Variants in PCDHGA9 observed in about 807,000 individuals in gnomAD.
PCDHGA9 encodes the protein protocadherin gamma-A9.
A neutral mutation model predicts 62.5 loss-of-function variants in PCDHGA9; 37 were observed. That is an observed-to-expected ratio of 0.59 (90% confidence interval 0.46 to 0.78). The LOEUF is 0.78. Among genes scored for constraint, PCDHGA9 ranks in the 30% least tolerant of loss-of-function variants. The pLI is 0.00. For synonymous variants in PCDHGA9, 459 were observed against 484.6 expected (o/e 0.95, Z 0.69); for missense variants, 1,138 against 1,166.2 (o/e 0.98, Z 0.35).
Position 141,487,070 on chromosome 5 carries a change from C to A in PCDHGA9, c.2425-7737C>A, listed in dbSNP as rs1365482479. The A allele has an allele frequency of 6.2e-7, 1 of 1,614,036 alleles. No individual in the cohort carries two copies. The highest frequency in any genetic ancestry group is 8.5e-7 in the Non-Finnish European group (1 of 1,180,016). ...TGCTGGGGAGGTGCGGACGGCTGTT[C>A]CTATCCCAGCTGACCTCCCACCACA... is the stretch of plus-strand genomic sequence containing the variant. On this transcript the variant is annotated intron_variant, in intron 1 of 3. Coordinates refer to ENST00000573521, the MANE Select transcript of PCDHGA9 (RefSeq NM_018921.3). The surrounding 1 kb of genome is among the most constrained non-coding windows in gnomAD (Gnocchi z 5.0).
In PCDHGA9 at chr5:141,489,307, T is replaced by A; in HGVS notation, c.2425-5500T>A. On this transcript the variant is annotated intron_variant, in intron 1 of 3. Transcript: ENST00000573521. The surrounding 1 kb of genome is among the most constrained non-coding windows in gnomAD (Gnocchi z 4.5). ...AGTGCTGTGCATGTTGTCCTTGTGCTGCTGGGGCTGGGTGTCTGGGCAGCT... is the reference window on the plus strand; with the variant it reads ...AGTGCTGTGCATGTTGTCCTTGTGCAGCTGGGGCTGGGTGTCTGGGCAGCT... The A allele has an allele frequency of 6.3e-7, 1 of 1,591,138 alleles. No individual in the cohort carries two copies. The highest frequency in any genetic ancestry group is 8.6e-7 in the Non-Finnish European group (1 of 1,168,222).
chr5:141,441,280 G>A (rs2098237221), intron 1 of PCDHGA9: 1 of 152,090 alleles, frequency 6.6e-6, no homozygotes, highest in East Asian at 1.9e-4. Flanking sequence ...GGGAGAAAAC[G>A]AGGTCACATG....
chr5:141,485,239 C>T lies in PCDHGA9; in HGVS notation c.2425-9568C>T. ...GGGCTACCCTTTTGTTCCTCTTTTA[C>T]CACCTGGGTTACGTTTGTGGGCAGA... On this transcript the variant is annotated intron_variant, in intron 1 of 3. Transcript: ENST00000573521. This position sits in a 1 kb window ranked among gnomAD's most constrained non-coding sequence, Gnocchi z 5.7. The T allele has an allele frequency of 6.2e-7, 1 of 1,614,140 alleles. No homozygotes were observed. Among genetic ancestry groups the T allele is most frequent in the South Asian group, 1.1e-5 (1 of 91,072 alleles).
At position 141,455,034 on chromosome 5, in the gene PCDHGA9, G is replaced by T. The variant is rs112590950; in HGVS notation, c.2425-39773G>T. 8.3e-3 allele frequency among the ~76,000 whole-genome samples: 1,254 copies of T among 150,894 alleles called. 18 individuals are homozygous for T. Among genetic ancestry groups the T allele is most frequent in the African/African-American group, 0.029 (1,191 of 41,122 alleles). ...TCACCGTGTTAGCCAGGATGGTCTC[G>T]ATCTCCTGACCTCGTGATCCGCCCG... On this transcript the variant is annotated intron_variant, in intron 1 of 3. Coordinates refer to ENST00000573521, the MANE Select transcript of PCDHGA9 (RefSeq NM_018921.3).
chr5:141,486,828 G>A lies in PCDHGA9; in HGVS notation c.2425-7979G>A, dbSNP rs140257646. 77 of 1,614,218 alleles carry A rather than the reference G, an allele frequency of 4.8e-5. 1 individual carries two copies. In the East Asian group the frequency reaches 1.2e-3, roughly 26 times the overall value. On this transcript the variant is annotated intron_variant, in intron 1 of 3. Transcript: ENST00000573521. This position sits in a 1 kb window ranked among gnomAD's most constrained non-coding sequence, Gnocchi z 5.0. ...CCCCTTAGCAGCACTGTAACAGTTCGTCTATTTGTGCTGGACCTCAATGAC... is the reference window on the plus strand; with the variant it reads ...CCCCTTAGCAGCACTGTAACAGTTCATCTATTTGTGCTGGACCTCAATGAC...
chr5:141,423,887 T>C, intron 1 of PCDHGA9: 2 of 1,282,240 alleles, frequency 1.6e-6, no homozygotes, highest in Non-Finnish European at 2.0e-6. Context: ...CTTGGCATAT[T>C]TTCTTTTGAT....
chr5:141,419,584 C>G, intron 1 of PCDHGA9: 1 of 1,611,800 alleles, frequency 6.2e-7, no homozygotes. Context: ...CCGCGCTCTT[C>G]GACACAGTGC....
chr5:141,416,308 T>C (rs1472911605), intron 1 of PCDHGA9: 1 of 152,266 alleles, frequency 6.6e-6, no homozygotes, highest in East Asian at 1.9e-4. Context: ...ATGTGGAAGA[T>C]ATAGCATTTT....
chr5:141,477,512 A>G lies in PCDHGA9; in HGVS notation c.2425-17295A>G. 1.9e-6 allele frequency: 3 copies of G among 1,614,156 alleles called. No homozygotes were observed. Among genetic ancestry groups the G allele is most frequent in the South Asian group, 2.2e-5 (2 of 91,072 alleles). ...TTCTCAATCTTCCTACGACGTTTAC[A>G]TTGAAGAAAACAACCTCCCCGGGGC... On this transcript the variant is annotated intron_variant, in intron 1 of 3. Transcript: ENST00000573521. This position sits in a 1 kb window ranked among gnomAD's most constrained non-coding sequence, Gnocchi z 4.9.
At position 141,489,300 on chromosome 5, in the gene PCDHGA9, C is replaced by T; in HGVS notation, c.2425-5507C>T. 1 of 1,585,700 alleles carries T rather than the reference C, an allele frequency of 6.3e-7. No individual in the cohort carries two copies. The highest frequency in any genetic ancestry group is 1.3e-5 in the African/African-American group (1 of 74,388). On this transcript the variant is annotated intron_variant, in intron 1 of 3. Coordinates refer to ENST00000573521, the MANE Select transcript of PCDHGA9 (RefSeq NM_018921.3). This position sits in a 1 kb window ranked among gnomAD's most constrained non-coding sequence, Gnocchi z 4.5. The stretch of plus-strand genomic sequence containing the variant: ...AATGGCAAGTGCTGTGCATGTTGTC[C>T]TTGTGCTGCTGGGGCTGGGTGTCTG...
In PCDHGA9 at chr5:141,478,732, T is replaced by C. The variant is rs772167680; in HGVS notation, c.2425-16075T>C. 7.2e-6 allele frequency: 11 copies of C among 1,537,428 alleles called. No homozygotes were observed. In the South Asian group the frequency reaches 1.2e-4, roughly 17 times the overall value. On this transcript the variant is annotated intron_variant, in intron 1 of 3. Transcript: ENST00000573521. ...GAGATGGTGGCCTGCCAGAGTGTGG[T>C]TTGTGGTCCCATTTCAGGGGGAAGA...
In PCDHGA9 at chr5:141,485,027, G is replaced by A. The variant is rs1594439784; in HGVS notation, c.2425-9780G>A. ...AATCTACCCCGCCACCAGCAAAAAC[G>A]GCGCGTAACCCTTGCGGCGCCGGCC... is the stretch of plus-strand genomic sequence containing the variant. On this transcript the variant is annotated intron_variant, in intron 1 of 3. Coordinates refer to ENST00000573521, the MANE Select transcript of PCDHGA9 (RefSeq NM_018921.3). The surrounding 1 kb of genome is among the most constrained non-coding windows in gnomAD (Gnocchi z 5.7). 1.5e-6 allele frequency: 1 copy of A among 662,546 alleles called. No individual in the cohort carries two copies. Among genetic ancestry groups the A allele is most frequent in the South Asian group, 1.9e-5 (1 of 53,596 alleles). The allele number at this position is 662,546 out of a possible 1,614,324, so 41.0% of individuals were successfully genotyped here.
chr5:141,415,883 G>A (rs2095968409), intron 1 of PCDHGA9: 1 of 983,982 alleles, frequency 1.0e-6, no homozygotes, highest in African/African-American at 1.7e-5. Context: ...GTACAATATT[G>A]ACAATTCCTA....
At chr5:141,437,878 C>A (rs1047761465) in intron 1 of PCDHGA9, among the ~76,000 whole-genome samples, 13 of 151,996 alleles carry the variant, frequency 8.6e-5, no homozygotes, top group Non-Finnish European at 1.5e-4. Flanking sequence ...GCTGGGACTA[C>A]AGGCACACGC....
At position 141,511,482 on chromosome 5, in the gene PCDHGA9, C is replaced by A. The variant is rs761434245; in HGVS notation, c.*309C>A. ...CACACCCCGTTTAGTTACAGCTGAA[C>A]TCCTCCATCTTCCAAATCAATCAGG... On this transcript the variant is annotated 3_prime_UTR_variant, in exon 4 of 4. Coordinates refer to ENST00000573521, the MANE Select transcript of PCDHGA9 (RefSeq NM_018921.3). The A allele has an allele frequency of 2.4e-4, 113 of 464,462 alleles. No homozygotes were observed. Among genetic ancestry groups the A allele is most frequent in the Non-Finnish European group, 4.0e-4 (105 of 260,154 alleles). The allele number at this position is 464,462 out of a possible 1,614,324, so 28.8% of individuals were successfully genotyped here. A position where few individuals can be genotyped will look rare whatever the true frequency, so the allele number is the denominator to read the frequency against.
At position 141,405,320 on chromosome 5, in the gene PCDHGA9, C is replaced by A. The variant is rs1183399090; in HGVS notation, c.2368C>A (p.Pro790Thr). Residue 790 changes from proline (P) to threonine (T), a missense_variant, in exon 1 of 4, where the codon CCT (proline) becomes ACT (threonine). Transcript: ENST00000573521. ...ISQQSCEKNE[P>T]LCVSVDSKFP... The stretch of plus-strand genomic sequence containing the variant: ...CCAGCAGAGCTGTGAGAAAAATGAG[C>A]CTTTGTGCGTCTCTGTTGATTCCAA... 1 of 1,614,188 alleles carries A rather than the reference C, an allele frequency of 6.2e-7. No individual in the cohort carries two copies. The highest frequency in any genetic ancestry group is 1.1e-5 in the South Asian group (1 of 91,084).
rs765291212 is a variant in PCDHGA9, at chr5:141,404,841, G to C, written c.1889G>C (p.Arg630Pro). ...GLHTGEVRTA[R>P]ALLDRDALKQ... ...CACACAGGTGAAGTGCGCACAGCTC[G>C]GGCCCTGCTAGATAGAGATGCGCTC... The change falls in exon 1 of 4, where the codon CGG becomes CCG. Residue 630 changes from arginine to proline, a missense_variant. By Grantham distance (103) the Arg-to-Pro change is moderately radical. Transcript: ENST00000573521. The C allele has an allele frequency of 2.5e-6, 4 of 1,613,886 alleles. No homozygotes were observed. Among genetic ancestry groups the C allele is most frequent in the African/African-American group, 1.3e-5 (1 of 74,988 alleles).
chr5:141,456,773 G>A (rs1178932462), intron 1 of PCDHGA9, among the ~76,000 whole-genome samples: 6 of 151,980 alleles, frequency 3.9e-5, no homozygotes, highest in African/African-American at 1.2e-4. Context: ...GACCAGCCTG[G>A]CCTACATGGC....
chr5:141,428,624 C>CT, intron 1 of PCDHGA9: 1 of 193,988 alleles, frequency 5.2e-6, no homozygotes, highest in South Asian at 1.1e-4. Context: ...AAGATAAGCT[C>CT]TAACTCTGTT....
Sources: allele counts gnomAD v4.1 joint callset (sites outside exome capture counted in the v4.1 genomes callset), GRCh38; gene constraint gnomAD v4.1.1; non-coding constraint Gnocchi (gnomAD v3.1); transcripts MANE v1.5; gene names NCBI Gene and HGNC (gene_info 2026-07-23, HGNC 2026-07-21).